The following ICA1 variants were observed in gnomAD, a reference collection of about 807,000 sequenced individuals.
ICA1 encodes 69 kDa islet cell autoantigen.
In ICA1, 40 loss-of-function variants were observed where a neutral mutation model predicts 71.0. That is an observed-to-expected ratio of 0.56 (90% CI 0.44 to 0.73). The LOEUF is 0.73. Among genes scored for constraint, ICA1 ranks in the 30% least tolerant of loss-of-function variants. ICA1 has a pLI of 0.00. For synonymous variants in ICA1, 207 were observed against 209.5 expected (o/e 0.99, Z 0.10); for missense variants, 578 against 576.5 (o/e 1.00, Z -0.03).
At chr7:8,207,706 C>G (rs17145036) in intron 6 of ICA1, among the ~76,000 whole-genome samples, 10 of 152,246 alleles carry the variant, frequency 6.6e-5, no homozygotes, top group African/African-American at 2.4e-4. Context: ...GGACATAAAC[C>G]GGTAACATGC....
At chr7:8,171,841 C>T (rs1392076880) in intron 6 of ICA1, among the ~76,000 whole-genome samples, 1 of 151,684 alleles carries the variant, frequency 6.6e-6, no homozygotes, top group African/African-American at 2.4e-5. Context: ...TCCTGATTTC[C>T]CTCGTGACAT....
intron 13 of ICA1, among the ~76,000 whole-genome samples, chr7:8,121,024 C>T (rs546728452): frequency 2.7e-4 from 41 of 152,308 alleles, no homozygotes; most frequent in African/African-American, 9.4e-4. Context: ...AGTTTCCATG[C>T]CTGCAAGGGG....
chr7:8,227,390 T>C (rs947866033), intron 4 of ICA1, among the ~76,000 whole-genome samples: 1 of 152,038 alleles, frequency 6.6e-6, no homozygotes, highest in Non-Finnish European at 1.5e-5. Context: ...CTGCGAGCTA[T>C]TTAGGAGGCA....
chr7:8,189,380 A>G (rs1387595756), intron 6 of ICA1, among the ~76,000 whole-genome samples: 3 of 152,198 alleles, frequency 2.0e-5, no homozygotes, highest in Non-Finnish European at 4.4e-5. Context: ...GGGCTTACTA[A>G]GGTCCTATGT....
intron 6 of ICA1, among the ~76,000 whole-genome samples, chr7:8,217,320 T>G (rs577147633): frequency 1.3e-5 from 2 of 152,330 alleles, no homozygotes; most frequent in South Asian, 4.1e-4. Context: ...TCAATCTATA[T>G]CTAGGTCAAG....
At chr7:8,181,096 G>T (rs1782071166) in intron 6 of ICA1, among the ~76,000 whole-genome samples, 1 of 152,064 alleles carries the variant, frequency 6.6e-6, no homozygotes, top group African/African-American at 2.4e-5. Context: ...TGTTTTAAAA[G>T]AGTTATTGTT....
chr7:8,258,169 T>C (rs568423577), intron 1 of ICA1, among the ~76,000 whole-genome samples: 145 of 152,216 alleles, frequency 9.5e-4, no homozygotes, highest in African/African-American at 3.2e-3. Context: ...TGAAAGGCAA[T>C]TGGTTAGTTG....
chr7:8,146,354 T>G (rs924637957), intron 8 of ICA1, among the ~76,000 whole-genome samples: 1 of 152,104 alleles, frequency 6.6e-6, no homozygotes, highest in African/African-American at 2.4e-5. Context: ...AAGGTAGGAA[T>G]AGCTTGGTTT....
At chr7:8,255,779 C>CTTTTTT (rs573673718) in intron 1 of ICA1, among the ~76,000 whole-genome samples, 3 of 132,926 alleles carry the variant, frequency 2.3e-5, no homozygotes, top group African/African-American at 6.1e-5. Context: ...ACTTCTTTCT[C>CTTTTTT]TTTTTTTTTT....
intron 5 of ICA1, among the ~76,000 whole-genome samples, chr7:8,219,336 G>A (rs117245562): frequency 0.034 from 5,154 of 152,264 alleles, 123 homozygotes; most frequent in Non-Finnish European, 0.045. Flanking sequence ...CAGGGCACAG[G>A]TGCCAAAAAA....
At chr7:8,157,533 C>G (rs910173009) in intron 7 of ICA1, 1 of 298,712 alleles carries the variant, frequency 3.3e-6, no homozygotes, top group African/African-American at 2.2e-5. Flanking sequence ...TGCAATCCCT[C>G]AGCTGATTCT....
rs556579811 is a variant in ICA1, at chr7:8,173,968, A to T, written c.580-15316T>A. ...TCTGTTGGTGAAAATAAAGCATTGT[A>T]AGAAAGATATGAGTGCAGGGTTTGG... On this transcript the variant is annotated intron_variant, in intron 6 of 13. Transcript: ENST00000402384. This position sits in a 1 kb window ranked among gnomAD's most constrained non-coding sequence, Gnocchi z 4.0. 3.3e-5 allele frequency among the ~76,000 whole-genome samples: 5 copies of T among 152,286 alleles called. No individual in the cohort carries two copies. Among genetic ancestry groups the T allele is most frequent in the African/African-American group, 4.8e-5 (2 of 41,564 alleles).
intron 6 of ICA1, among the ~76,000 whole-genome samples, chr7:8,162,258 A>G (rs764530003): frequency 1.3e-5 from 2 of 152,224 alleles, no homozygotes; most frequent in Non-Finnish European, 2.9e-5. Flanking sequence ...GTAATTTTAG[A>G]AACCTAGAAG....
chr7:8,189,171 G>A (rs889663839), intron 6 of ICA1, among the ~76,000 whole-genome samples: 5 of 152,198 alleles, frequency 3.3e-5, no homozygotes, highest in Non-Finnish European at 5.9e-5. Context: ...CCCTGTGAGT[G>A]CTGGGATCTG....
chr7:8,209,972 G>A (rs1045867146), intron 6 of ICA1, among the ~76,000 whole-genome samples: 1 of 152,208 alleles, frequency 6.6e-6, no homozygotes, highest in Admixed American at 6.5e-5. Flanking sequence ...GGGAAGCTGG[G>A]GTTGGGGGAG....
chr7:8,143,850 C>G, intron 9 of ICA1, 25 bp downstream of exon 9: 1 of 1,459,028 alleles, frequency 6.9e-7, no homozygotes, highest in Non-Finnish European at 9.6e-7. Flanking sequence ...AAGAAAGATG[C>G]AGAGGGAAGG....
At chr7:8,158,260 A>T (rs1802439250) in intron 7 of ICA1, 1 of 422,816 alleles carries the variant, frequency 2.4e-6, no homozygotes, top group Non-Finnish European at 4.2e-6. Flanking sequence ...TTGGAAAGGC[A>T]CGGATGGAGG....
chr7:8,225,501 A>T (rs1798339703), intron 4 of ICA1, among the ~76,000 whole-genome samples: 1 of 152,180 alleles, frequency 6.6e-6, no homozygotes, highest in Admixed American at 6.5e-5. Flanking sequence ...CCAATCCTAG[A>T]ATCAACCACT....
At chr7:8,154,287 T>C (rs1051210491) in intron 8 of ICA1, among the ~76,000 whole-genome samples, 1 of 152,232 alleles carries the variant, frequency 6.6e-6, no homozygotes, top group African/African-American at 2.4e-5. Flanking sequence ...AAAGGTTCAG[T>C]AGAAGTAAAA....
Sources: gnomAD v4.1 joint callset for allele counts (sites outside exome capture counted in the v4.1 genomes callset) on GRCh38, gnomAD v4.1.1 for gene constraint, Gnocchi (gnomAD v3.1) non-coding constraint, MANE v1.5 for transcripts, NCBI Gene and HGNC (gene_info 2026-07-23, HGNC 2026-07-21) for gene names.